The following FRMD3 variants were observed in gnomAD, a reference collection of about 807,000 sequenced individuals.
The protein encoded by FRMD3 is FERM domain-containing protein 3.
Under a neutral mutation model 70.2 loss-of-function variants are expected in FRMD3, and 33 were observed. The ratio of observed to expected loss-of-function variants is 0.47; its 90% CI spans 0.36 to 0.63. The LOEUF is 0.63. Among genes scored for constraint, FRMD3 ranks in the 20% least tolerant of loss-of-function variants. FRMD3 has a pLI of 0.00. For missense variants in FRMD3, 632 were observed against 711.4 expected, an observed-to-expected ratio of 0.89 and a Z score of 1.27; for synonymous variants, 279 against 255.9, an observed-to-expected ratio of 1.09 and a Z score of -0.86.
chr9:83,325,942 ACACCCACTTATCTG>A (rs1835997685), intron 6 of FRMD3, among the ~76,000 whole-genome samples: 1 of 152,210 alleles, frequency 6.6e-6, no homozygotes, highest in Non-Finnish European at 1.5e-5. Context: ...GAACATCATC[ACACCCACTTATCTG>A]CATATTGTCT....
At chr9:83,480,088 G>T (rs991864172) in intron 1 of FRMD3, among the ~76,000 whole-genome samples, 4 of 152,120 alleles carry the variant, frequency 2.6e-5, no homozygotes, top group African/African-American at 9.7e-5. Flanking sequence ...TCCATTCTTA[G>T]ATATATGCCA....
intron 13 of FRMD3, among the ~76,000 whole-genome samples, chr9:83,273,761 T>C (rs1285219018): frequency 1.3e-5 from 2 of 152,148 alleles, no homozygotes; most frequent in Non-Finnish European, 2.9e-5. Context: ...TAGGATAACA[T>C]TTAAATGCAC....
At chr9:83,393,204 T>A (rs1587810239) in intron 1 of FRMD3, among the ~76,000 whole-genome samples, 1 of 152,248 alleles carries the variant, frequency 6.6e-6, no homozygotes, top group South Asian at 2.1e-4. Flanking sequence ...GTCTCAATAC[T>A]GGTCCTTATT....
intron 1 of FRMD3, among the ~76,000 whole-genome samples, chr9:83,416,580 A>G (rs2131348877): frequency 6.6e-6 from 1 of 152,340 alleles, no homozygotes; most frequent in East Asian, 1.9e-4. Flanking sequence ...AATAGGCTAA[A>G]TGTATGCTAA....
chr9:83,418,600 A>C (rs1356996919), intron 1 of FRMD3, among the ~76,000 whole-genome samples: 3 of 152,216 alleles, frequency 2.0e-5, no homozygotes, highest in Admixed American at 6.5e-5. Context: ...CTCCTGCAAG[A>C]ATGGCCATTA....
intron 3 of FRMD3, chr9:83,351,106 G>T (rs1004347513): frequency 5.9e-5 from 21 of 357,128 alleles, no homozygotes; most frequent in East Asian, 1.7e-4. Context: ...TTCAAGATAC[G>T]CAGGGGTTAA....
At chr9:83,298,872 G>C in intron 11 of FRMD3, 56 bp from the exon 12 acceptor site, 1 of 1,510,324 alleles carries the variant, frequency 6.6e-7, no homozygotes, top group Non-Finnish European at 9.2e-7. Flanking sequence ...GAATGGGAGG[G>C]ATATGCACAA....
intron 1 of FRMD3, among the ~76,000 whole-genome samples, chr9:83,534,758 G>C (rs1206399822): frequency 6.6e-6 from 1 of 152,160 alleles, no homozygotes; most frequent in Non-Finnish European, 1.5e-5. Flanking sequence ...CATGTTTCTG[G>C]GGGGTGGAAA....
At chr9:83,461,388 CCCACTAAGTTTCAAG>C (rs762745437) in intron 1 of FRMD3, among the ~76,000 whole-genome samples, 210 of 152,214 alleles carry the variant, frequency 1.4e-3, no homozygotes, top group Middle Eastern at 3.4e-3. Flanking sequence ...CCCACTGAGA[CCCACTAAGTTTCAAG>C]CCACTAAGTT....
the FRMD3 span, among the ~76,000 whole-genome samples, chr9:83,570,479 T>C: frequency 6.6e-6 from 1 of 152,202 alleles, no homozygotes; most frequent in Non-Finnish European, 1.5e-5. Flanking sequence ...TATCACACAC[T>C]TAGTGTTCTC....
the FRMD3 span, among the ~76,000 whole-genome samples, chr9:83,560,857 T>A: frequency 1.3e-5 from 2 of 152,184 alleles, no homozygotes; most frequent in African/African-American, 4.8e-5. Context: ...ATGATGACAA[T>A]GCCCTTAGGG....
chr9:83,535,231 A>G (rs1341887996), intron 1 of FRMD3, among the ~76,000 whole-genome samples: 1 of 152,248 alleles, frequency 6.6e-6, no homozygotes, highest in Non-Finnish European at 1.5e-5. Flanking sequence ...AATGGCACCT[A>G]GAGCTATTCA....
chr9:83,508,670 AG>A (rs1181769088), intron 1 of FRMD3, among the ~76,000 whole-genome samples: 1 of 151,938 alleles, frequency 6.6e-6, no homozygotes, highest in Non-Finnish European at 1.5e-5. Context: ...CCCCCACCCC[AG>A]GAGACACCAC....
At position 83,518,505 on chromosome 9, in the gene FRMD3, G is replaced by GA. The variant is rs574429601; in HGVS notation, c.147+19579dup. Among the ~76,000 whole-genome samples the GA allele has an allele frequency of 1.7e-3, 262 of 152,206 alleles. 1 individual carries two copies. The highest frequency in any genetic ancestry group is 6.1e-3 in the African/African-American group (253 of 41,526). The stretch of plus-strand genomic sequence containing the variant: ...AAATAAGAGAGGACACAAACAAATG[G>GA]AAAAACATTCCATGCTCATGGATAG... On this transcript the variant is annotated intron_variant, in intron 1 of 13. Transcript: ENST00000304195.
At chr9:83,467,920 C>A (rs1241681417) in intron 1 of FRMD3, among the ~76,000 whole-genome samples, 1 of 152,060 alleles carries the variant, frequency 6.6e-6, no homozygotes, top group Non-Finnish European at 1.5e-5. Flanking sequence ...AAGATGCAAG[C>A]TTTTCTGTTT....
intron 3 of FRMD3, among the ~76,000 whole-genome samples, chr9:83,372,689 G>A (rs185478712): frequency 1.1e-4 from 16 of 152,076 alleles, no homozygotes; most frequent in Non-Finnish European, 1.8e-4. Flanking sequence ...GGGCAAGATG[G>A]GGGGGAGGGA....
chr9:83,256,504 G>A (rs1465995852), intron 13 of FRMD3, among the ~76,000 whole-genome samples: 2 of 152,132 alleles, frequency 1.3e-5, no homozygotes, highest in African/African-American at 4.8e-5. Flanking sequence ...TGCAACGAAA[G>A]CAAAAATTGA....
rs752834945 is a variant in FRMD3 at position 83,283,540 on chromosome 9, AAAAAAAAATAAT to A, written c.1195+7051_1195+7062del. ...AGCGAGAATCCATCTCAAAAAAAAA[AAAAAAAAATAAT>A]AATAATAATAATAATAATAATAATC... On this transcript the variant is annotated intron_variant, in intron 13 of 13. Coordinates refer to ENST00000304195, the MANE Select transcript of FRMD3 (RefSeq NM_174938.6). 3.2e-3 allele frequency among the ~76,000 whole-genome samples: 317 copies of A among 98,734 alleles called. 2 individuals are homozygous for A. The highest frequency in any genetic ancestry group is 4.7e-3 in the Non-Finnish European group (224 of 47,758). The allele number at this position is 98,734 out of a possible 152,430, so 64.8% of individuals were successfully genotyped here.
chr9:83,381,805 C>A (rs1197458371), intron 2 of FRMD3, among the ~76,000 whole-genome samples: 2 of 152,038 alleles, frequency 1.3e-5, no homozygotes, highest in Non-Finnish European at 2.9e-5. Context: ...TTGTAAAGGA[C>A]CAGATAGTAA....
Sources: gnomAD v4.1 joint callset for allele counts (sites outside exome capture counted in the v4.1 genomes callset) on GRCh38, gnomAD v4.1.1 for gene constraint, MANE v1.5 for transcripts, NCBI Gene and HGNC (gene_info 2026-07-23, HGNC 2026-07-21) for gene names.